The following HMGN5 variants were observed in gnomAD, a reference collection of about 807,000 sequenced individuals.
HMGN5 encodes the protein high mobility group nucleosome-binding domain-containing protein 5.
In HMGN5, 4 loss-of-function variants were observed where a neutral mutation model predicts 9.5. The ratio of observed to expected loss-of-function variants is 0.42; its 90% CI spans 0.21 to 0.96. The LOEUF (loss-of-function observed/expected upper bound fraction) is 0.96. Ranked by LOEUF, HMGN5 falls within the 40% of genes least tolerant of loss-of-function variation. The pLI, the probability that HMGN5 is intolerant of heterozygous loss-of-function variation, is 0.30. For synonymous variants in HMGN5, 55 were observed against 57.1 expected, an observed-to-expected ratio of 0.96 and a Z score of 0.16; for missense variants, 192 against 187.5, an observed-to-expected ratio of 1.02 and a Z score of -0.14.
At chrX:81,133,131 T>C (rs181493111) in intron 1 of HMGN5, among the ~76,000 whole-genome samples, 185 of 109,674 alleles carry the variant, frequency 1.7e-3, no homozygotes, top group African/African-American at 5.9e-3. Flanking sequence ...ATTAGAGAAA[T>C]GCAAATCAAA....
chrX:81,158,517 T>C (rs1467797697), intron 1 of HMGN5, among the ~76,000 whole-genome samples: 1 of 112,410 alleles, frequency 8.9e-6, no homozygotes, highest in Admixed American at 9.4e-5. Context: ...TTAATGGTTT[T>C]CTTTTATTGT....
intron 2 of HMGN5, among the ~76,000 whole-genome samples, chrX:81,121,065 G>GA (rs774488686): frequency 3.8e-3 from 365 of 97,244 alleles, no homozygotes; most frequent in African/African-American, 0.011. Context: ...AGGAGGGAAG[G>GA]AAAAAAAAAA....
chrX:81,177,712 A>G (rs2075447459), intron 1 of HMGN5, among the ~76,000 whole-genome samples: 2 of 111,382 alleles, frequency 1.8e-5, no homozygotes, highest in African/African-American at 6.5e-5. Context: ...CACCAAGCAG[A>G]CCTAATAGAC....
At chrX:81,177,907 A>C (rs188258023) in intron 1 of HMGN5, among the ~76,000 whole-genome samples, 9 of 112,218 alleles carry the variant, frequency 8.0e-5, no homozygotes, top group Non-Finnish European at 1.5e-4. Context: ...ACGATTAAGA[A>C]ACTCACTGAA....
At chrX:81,156,093 T>TA (rs987562330) in intron 1 of HMGN5, among the ~76,000 whole-genome samples, 3 of 111,720 alleles carry the variant, frequency 2.7e-5, no homozygotes, top group African/African-American at 6.5e-5. Flanking sequence ...AAATTTCAAT[T>TA]AAAAAAATGG....
intron 1 of HMGN5, among the ~76,000 whole-genome samples, chrX:81,142,597 A>T (rs968535691): frequency 8.9e-6 from 1 of 112,087 alleles, no homozygotes; most frequent in Non-Finnish European, 1.9e-5. Context: ...GGAAAAAAAA[A>T]CTTTTATCCT....
Position 81,115,207 on chromosome X carries a change from A to G in HMGN5, c.291T>C (p.Ile97=). The G allele has an allele frequency of 8.5e-7, 1 of 1,175,264 alleles. No individual in the cohort carries two copies. Among genetic ancestry groups the G allele is most frequent in the East Asian group, 3.0e-5 (1 of 33,188 alleles). The change falls in exon 7 of 7, where the codon ATT becomes ATC. Residue 97 remains isoleucine (I), a synonymous_variant. Transcript: ENST00000358130. Reference sequence around the variant, plus strand: ...CAATATTTTCTTCTTTTACTTCCACAATTTCTTTTTCAGAAGCTGGTGCCT... The same window carrying G: ...CAATATTTTCTTCTTTTACTTCCACGATTTCTTTTTCAGAAGCTGGTGCCT... The part of the protein sequence containing the change: ...ITEAPASEKE[I]VEVKEENIED...
intron 1 of HMGN5, among the ~76,000 whole-genome samples, chrX:81,173,190 A>T (rs1296666298): frequency 9.0e-6 from 1 of 111,246 alleles, no homozygotes; most frequent in Non-Finnish European, 1.9e-5. Context: ...CACCTGTTTG[A>T]AAAACAAAGA....
chrX:81,142,725 G>T (rs1415708202), intron 1 of HMGN5, among the ~76,000 whole-genome samples: 1 of 111,925 alleles, frequency 8.9e-6, no homozygotes, highest in Non-Finnish European at 1.9e-5. Context: ...AATGCTAAAG[G>T]GAGTACTTCA....
intron 1 of HMGN5, among the ~76,000 whole-genome samples, chrX:81,153,615 ATATATATATATATATATATATATATG>A (rs2075374369): frequency 4.2e-5 from 2 of 47,987 alleles, no homozygotes; most frequent in Admixed American, 2.9e-4. Flanking sequence ...ATATATATAT[ATATATATATATATATATATATATATG>A]TATCTCCTTG....
intron 1 of HMGN5, among the ~76,000 whole-genome samples, chrX:81,123,387 C>T (rs1414680956): frequency 1.8e-5 from 2 of 111,331 alleles, no homozygotes; most frequent in East Asian, 2.8e-4. Context: ...AAATTGCTTC[C>T]TTCGTCCACA....
At chrX:81,129,020 A>G (rs2075291824) in intron 1 of HMGN5, among the ~76,000 whole-genome samples, 1 of 111,800 alleles carries the variant, frequency 8.9e-6, no homozygotes. Flanking sequence ...AAAGAGTAGG[A>G]GAGAGAAAAA....
At chrX:81,165,159 T>A (rs1298777200) in intron 1 of HMGN5, among the ~76,000 whole-genome samples, 1 of 111,265 alleles carries the variant, frequency 9.0e-6, no homozygotes, top group Non-Finnish European at 1.9e-5. Context: ...AAATCTGTAT[T>A]TTTTCCTTAG....
At chrX:81,150,488 C>T (rs1048892479) in intron 1 of HMGN5, among the ~76,000 whole-genome samples, 2 of 111,567 alleles carry the variant, frequency 1.8e-5, no homozygotes, top group Admixed American at 1.9e-4. Context: ...TCGCTTTGAA[C>T]CCAGGAGGCG....
chrX:81,126,084 G>A (rs775544890), intron 1 of HMGN5, among the ~76,000 whole-genome samples: 1 of 101,583 alleles, frequency 9.8e-6, no homozygotes, highest in African/African-American at 3.7e-5. Context: ...GGAGGCAGAG[G>A]TTGCAATGAG....
At chrX:81,156,758 G>C (rs1464089885) in intron 1 of HMGN5, among the ~76,000 whole-genome samples, 1 of 110,456 alleles carries the variant, frequency 9.1e-6, no homozygotes, top group East Asian at 2.8e-4. Flanking sequence ...TTTAATAACT[G>C]AATAAATGGG....
At chrX:81,187,893 G>A (rs2075481767) in intron 1 of HMGN5, among the ~76,000 whole-genome samples, 1 of 110,233 alleles carries the variant, frequency 9.1e-6, no homozygotes, top group African/African-American at 3.3e-5. Context: ...TTACCATGAG[G>A]CTTACAACCT....
chrX:81,134,208 C>G (rs2075305505), intron 1 of HMGN5, among the ~76,000 whole-genome samples: 1 of 111,225 alleles, frequency 9.0e-6, no homozygotes, highest in Non-Finnish European at 1.9e-5. Flanking sequence ...TACTGTACTG[C>G]CATTTCTCAA....
intron 1 of HMGN5, among the ~76,000 whole-genome samples, chrX:81,175,331 G>A (rs55723476): frequency 0.062 from 6,461 of 103,762 alleles, 206 homozygotes; most frequent in Non-Finnish European, 0.1. Context: ...TTTGAACACA[G>A]AACAATTCTA....
Sources: gnomAD v4.1 joint callset for allele counts (sites outside exome capture counted in the v4.1 genomes callset) on GRCh38, gnomAD v4.1.1 for gene constraint, MANE v1.5 for transcripts, NCBI Gene and HGNC (gene_info 2026-07-23, HGNC 2026-07-21) for gene names.